The following BLTP1 variants were observed in gnomAD, a reference collection of about 807,000 sequenced individuals.
BLTP1 encodes bridge-like lipid transfer protein family member 1, also known as fragile site-associated protein.
At chr4:122,317,237 C>T in the BLTP1 span, among the ~76,000 whole-genome samples, 2 of 151,946 alleles carry the variant, frequency 1.3e-5, no homozygotes, top group South Asian at 4.2e-4. Flanking sequence ...GAGGCTGAGG[C>T]AGGAGAATCG....
chr4:122,210,846 A>G, the BLTP1 span: 1 of 1,596,222 alleles, frequency 6.3e-7, no homozygotes, highest in African/African-American at 1.4e-5. Flanking sequence ...TTTGTCCCCC[A>G]CCCCTCAAAC....
At chr4:122,250,585 T>C in the BLTP1 span, 850 of 1,609,944 alleles carry the variant, frequency 5.3e-4, 2 homozygotes, top group Middle Eastern at 3.8e-3. Flanking sequence ...TTAGTGACTT[T>C]CTAATAGTAA....
chr4:122,175,387 TA>T, the BLTP1 span: 6,469 of 513,606 alleles, frequency 0.013, 406 homozygotes, highest in African/African-American at 0.13. Context: ...GGAACATCCT[TA>T]AAAGTTTCTC....
chr4:122,234,154 T>G, the BLTP1 span: 8 of 272,988 alleles, frequency 2.9e-5, no homozygotes, highest in Non-Finnish European at 4.5e-5. Context: ...GACAGATCTA[T>G]GAGTCACTTA....
the BLTP1 span, among the ~76,000 whole-genome samples, chr4:122,335,548 C>G: frequency 5.9e-5 from 9 of 152,032 alleles, no homozygotes; most frequent in African/African-American, 2.2e-4. Flanking sequence ...CTGAGAATGC[C>G]TAGTATCACT....
At chr4:122,353,216 A>G in the BLTP1 span, 2 of 1,571,622 alleles carry the variant, frequency 1.3e-6, no homozygotes, top group Non-Finnish European at 1.7e-6. The surrounding 1 kb of genome is among the most constrained non-coding windows in gnomAD (Gnocchi z 4.3). Flanking sequence ...TATAAATGAC[A>G]ATTGTATTTC....
At chr4:122,184,283 T>C in the BLTP1 span, among the ~76,000 whole-genome samples, 4 of 152,210 alleles carry the variant, frequency 2.6e-5, no homozygotes, top group Admixed American at 6.5e-5. Flanking sequence ...GTAAGTAAGA[T>C]ATCTTCACTT....
the BLTP1 span, chr4:122,162,366 TCA>T: frequency 5.0e-6 from 1 of 199,640 alleles, no homozygotes; most frequent in Non-Finnish European, 9.0e-6. Context: ...AAACCTTATT[TCA>T]CACAGTTCTG....
chr4:122,238,160 A>G, the BLTP1 span: 1 of 1,613,778 alleles, frequency 6.2e-7, no homozygotes, highest in South Asian at 1.1e-5. Flanking sequence ...AGAGAGAAAA[A>G]CTCAGCACCT....
the BLTP1 span, chr4:122,257,369 C>A: frequency 6.2e-7 from 1 of 1,614,030 alleles, no homozygotes; most frequent in Non-Finnish European, 8.5e-7. Context: ...CTTACATAGA[C>A]CAGCTCAGCC....
chr4:122,245,197 A>C, the BLTP1 span: 9 of 1,477,860 alleles, frequency 6.1e-6, no homozygotes, highest in Non-Finnish European at 8.4e-6. Flanking sequence ...ATGGTTACAG[A>C]ATATTCAAAC....
the BLTP1 span, among the ~76,000 whole-genome samples, chr4:122,173,617 A>G: frequency 6.6e-6 from 1 of 152,180 alleles, no homozygotes; most frequent in East Asian, 1.9e-4. Context: ...ATAAATTTAT[A>G]TTTCATGAAC....
the BLTP1 span, chr4:122,254,733 G>A: frequency 7.2e-7 from 1 of 1,381,892 alleles, no homozygotes; most frequent in South Asian, 1.9e-5. Context: ...ACTAAGTACA[G>A]TAGGTATGGG....
At chr4:122,214,500 T>A in the BLTP1 span, 5 of 943,058 alleles carry the variant, frequency 5.3e-6, no homozygotes, top group African/African-American at 8.9e-5. Context: ...TATTTGTAAA[T>A]ATTTGTGTAC....
At chr4:122,291,073 G>A in the BLTP1 span, 3 of 177,090 alleles carry the variant, frequency 1.7e-5, no homozygotes, top group African/African-American at 4.8e-5. Flanking sequence ...GTCAGGAGAT[G>A]AAAGTATATC....
the BLTP1 span, among the ~76,000 whole-genome samples, chr4:122,335,569 C>G: frequency 6.6e-6 from 1 of 152,130 alleles, no homozygotes; most frequent in Non-Finnish European, 1.5e-5. Context: ...TTTCAGCTAA[C>G]AAGGCACATC....
chr4:122,231,484 A>T, the BLTP1 span: 2 of 200,254 alleles, frequency 1.0e-5, no homozygotes, highest in Non-Finnish European at 1.8e-5. Context: ...TTCAATTTTT[A>T]AGAGCTCTTT....
chr4:122,191,718 G>GA, the BLTP1 span, among the ~76,000 whole-genome samples: 15 of 152,016 alleles, frequency 9.9e-5, no homozygotes, highest in Non-Finnish European at 2.1e-4. Flanking sequence ...AAAATTATCT[G>GA]AAAAAGCTAT....
the BLTP1 span, chr4:122,343,360 G>T: frequency 6.2e-7 from 1 of 1,603,076 alleles, no homozygotes; most frequent in South Asian, 1.1e-5. Context: ...ATTATTGACT[G>T]GCCTTTTTTT....
Sources: gnomAD v4.1 joint callset for allele counts (sites outside exome capture counted in the v4.1 genomes callset) on GRCh38, gnomAD v4.1.1 for gene constraint, Gnocchi (gnomAD v3.1) non-coding constraint, MANE v1.5 for transcripts, NCBI Gene and HGNC (gene_info 2026-07-23, HGNC 2026-07-21) for gene names.